The following NUMB variants were observed in gnomAD, a reference collection of about 807,000 sequenced individuals.
The protein encoded by NUMB is protein numb homolog.
Under a neutral mutation model 59.7 loss-of-function variants are expected in NUMB, and 29 were observed. The observed-to-expected ratio is 0.49, with a 90% confidence interval of 0.36 to 0.66. The LOEUF is 0.66. Among genes scored for constraint, NUMB ranks in the 30% least tolerant of loss-of-function variants. The probability of loss-of-function intolerance (pLI) is 0.00; values close to 1 mark genes in which losing one functional copy is unlikely to be tolerated. For missense variants in NUMB, 723 were observed against 822.0 expected (o/e 0.88, Z 1.47); for synonymous variants, 288 against 288.2 (o/e 1.00, Z 0.01).
At chr14:73,341,274 T>C (rs1001416459) in intron 4 of NUMB, among the ~76,000 whole-genome samples, 20 of 152,144 alleles carry the variant, frequency 1.3e-4, no homozygotes, top group African/African-American at 4.8e-4. Flanking sequence ...AATCAAGATA[T>C]ACTACCTAAA....
At chr14:73,363,531 CA>C (rs774937540) in intron 3 of NUMB, among the ~76,000 whole-genome samples, 3 of 152,076 alleles carry the variant, frequency 2.0e-5, no homozygotes, top group African/African-American at 7.2e-5. Context: ...TAAATCTTTT[CA>C]GGGGGAAAAA....
intron 4 of NUMB, among the ~76,000 whole-genome samples, chr14:73,351,890 G>C (rs1178113444): frequency 6.6e-6 from 1 of 151,524 alleles, no homozygotes; most frequent in African/African-American, 2.4e-5. Context: ...GCAGGAGAAT[G>C]GCTTGAACCT....
chr14:73,350,543 C>T (rs937575680), intron 4 of NUMB, among the ~76,000 whole-genome samples: 3 of 151,358 alleles, frequency 2.0e-5, no homozygotes, highest in African/African-American at 7.3e-5. Flanking sequence ...TTACCTTTAC[C>T]TACTTTTTTT....
chr14:73,434,008 G>C (rs187466437), intron 1 of NUMB, among the ~76,000 whole-genome samples: 11 of 152,198 alleles, frequency 7.2e-5, no homozygotes, highest in Non-Finnish European at 1.6e-4. Flanking sequence ...CAGGAGAATC[G>C]CTTAGAACCT....
At chr14:73,433,232 G>A (rs1202865114) in intron 1 of NUMB, among the ~76,000 whole-genome samples, 1 of 151,918 alleles carries the variant, frequency 6.6e-6, no homozygotes. Flanking sequence ...GACCAGTCTG[G>A]CCAACATGGC....
At chr14:73,451,422 G>GC in intron 1 of NUMB, among the ~76,000 whole-genome samples, 1 of 143,336 alleles carries the variant, frequency 7.0e-6, no homozygotes, top group South Asian at 2.2e-4. Flanking sequence ...GGGCAACAGA[G>GC]GAGACACCGT....
intron 1 of NUMB, among the ~76,000 whole-genome samples, chr14:73,429,145 G>A (rs536026125): frequency 1.5e-4 from 22 of 151,700 alleles, no homozygotes; most frequent in Admixed American, 2.0e-4. Flanking sequence ...GCCGAGGCGG[G>A]CGGATCGCGA....
chr14:73,383,258 C>T (rs1895338449), intron 2 of NUMB, among the ~76,000 whole-genome samples: 2 of 151,710 alleles, frequency 1.3e-5, no homozygotes. Flanking sequence ...AAATAGAGGA[C>T]AAGATGAGAA....
At chr14:73,301,397 C>T (rs1210984436) in intron 6 of NUMB, among the ~76,000 whole-genome samples, 1 of 152,186 alleles carries the variant, frequency 6.6e-6, no homozygotes, top group African/African-American at 2.4e-5. Flanking sequence ...AGTTAGTCTC[C>T]TTACAATATT....
At chr14:73,374,857 A>T (rs1261244305) in intron 2 of NUMB, among the ~76,000 whole-genome samples, 2 of 151,066 alleles carry the variant, frequency 1.3e-5, no homozygotes, top group Non-Finnish European at 2.9e-5. Context: ...AATAGCTGGG[A>T]TTACAGGCGC....
At chr14:73,364,332 C>T (rs1461908345) in intron 3 of NUMB, among the ~76,000 whole-genome samples, 2 of 151,774 alleles carry the variant, frequency 1.3e-5, no homozygotes, top group African/African-American at 4.8e-5. Flanking sequence ...GGTGAAACCC[C>T]ATCTCTACTA....
Position 73,389,287 on chromosome 14 carries a change from A to AC in NUMB, c.-101+20649_-101+20650insG, listed in dbSNP as rs1214409290. ...CTCCATCTCTCAAAAAAAAAAAAAA[A>AC]AAAAAACAAAAACAAAAACACTGGT... On this transcript the variant is annotated intron_variant, in intron 2 of 12. Coordinates refer to ENST00000555238, the MANE Select transcript of NUMB (RefSeq NM_001005743.2). Among the ~76,000 whole-genome samples the AC allele has an allele frequency of 3.1e-3, 302 of 97,374 alleles. 6 individuals carry two copies. The highest frequency in any genetic ancestry group is 0.018 in the Middle Eastern group (4 of 224). 63.9% of individuals were successfully genotyped at this position (97,374 alleles called of 152,430 possible).
intron 6 of NUMB, among the ~76,000 whole-genome samples, chr14:73,303,442 T>G (rs561861922): frequency 1.9e-4 from 29 of 152,066 alleles, no homozygotes; most frequent in African/African-American, 7.0e-4. Context: ...CAGCCGGGCG[T>G]GGTGACATGC....
intron 3 of NUMB, among the ~76,000 whole-genome samples, chr14:73,364,321 T>C (rs968037949): frequency 6.6e-5 from 10 of 152,004 alleles, no homozygotes; most frequent in Non-Finnish European, 1.3e-4. Flanking sequence ...CTGGCCAACA[T>C]GGTGAAACCC....
At chr14:73,447,742 G>A (rs1281920393) in intron 1 of NUMB, among the ~76,000 whole-genome samples, 3 of 148,760 alleles carry the variant, frequency 2.0e-5, no homozygotes, top group Non-Finnish European at 3.0e-5. Flanking sequence ...TTTTATAAAT[G>A]ACCAGTCATG....
chr14:73,345,534 G>T (rs1223349946), intron 4 of NUMB, among the ~76,000 whole-genome samples: 2 of 152,080 alleles, frequency 1.3e-5, no homozygotes, highest in African/African-American at 4.8e-5. Context: ...TTGGTCTCAG[G>T]ACTTAATTAC....
intron 2 of NUMB, among the ~76,000 whole-genome samples, chr14:73,367,330 C>CATAT (rs369452106): frequency 1.7e-3 from 196 of 116,082 alleles, no homozygotes; most frequent in East Asian, 2.9e-3. Context: ...CACATATATA[C>CATAT]ATATATATAT....
At chr14:73,306,534 A>T (rs1168350484) in intron 6 of NUMB, among the ~76,000 whole-genome samples, 1 of 152,160 alleles carries the variant, frequency 6.6e-6, no homozygotes, top group Non-Finnish European at 1.5e-5. Context: ...GAATGAATGA[A>T]TGAATGAATG....
In NUMB at chr14:73,277,054, G is replaced by A. The variant is rs770979258; in HGVS notation, c.1480C>T (p.Pro494Ser). ...TGCAGGGCTGGGACCACACCCACTGGCACAGGCTGAGAGGTGAGGAATGCA... is the reference window on the plus strand; with the variant it reads ...TGCAGGGCTGGGACCACACCCACTGACACAGGCTGAGAGGTGAGGAATGCA... ...GNAFLTSQPV[P>S]VGVVPALQPA... Residue 494 changes from proline (P) to serine (S), a missense_variant, in exon 13 of 13, where the codon CCA becomes TCA. By Grantham distance (74) the Pro-to-Ser change is moderately conservative (BLOSUM62 -1). Around this residue, in one of 2 missense-constraint regions of NUMB, gnomAD observed 406 missense variants for 385.4 expected, o/e 1.05. Transcript: ENST00000555238. 1.2e-5 allele frequency: 19 copies of A among 1,614,142 alleles called. No homozygotes were observed. In the South Asian group the frequency reaches 1.9e-4, roughly 16 times the overall value.
Sources: gnomAD v4.1 joint callset for allele counts (sites outside exome capture counted in the v4.1 genomes callset) on GRCh38, gnomAD v4.1.1 for gene constraint, gnomAD v4.1.1 regional missense constraint, MANE v1.5 for transcripts, NCBI Gene and HGNC (gene_info 2026-07-23, HGNC 2026-07-21) for gene names.